CDKAL1: variants seen among roughly 807,000 people sequenced by gnomAD.
CDKAL1 encodes the protein threonylcarbamoyladenosine tRNA methylthiotransferase.
A neutral mutation model predicts 68.2 loss-of-function variants in CDKAL1; 32 were observed. That is an observed-to-expected ratio of 0.47 (90% confidence interval 0.35 to 0.63). The LOEUF (loss-of-function observed/expected upper bound fraction) is 0.63, where lower values mean the gene tolerates loss of function less well. CDKAL1 is among the 30% of genes least tolerant of loss of function. The probability of loss-of-function intolerance (pLI) is 0.00; values close to 1 mark genes in which losing one functional copy is unlikely to be tolerated. For synonymous variants in CDKAL1, 234 were observed against 244.3 expected (o/e 0.96, Z 0.39); for missense variants, 606 against 696.7 (o/e 0.87, Z 1.47).
chr6:20,544,595 C>CA (rs747920604), intron 2 of CDKAL1, among the ~76,000 whole-genome samples: 2,261 of 56,602 alleles, frequency 0.04, 167 homozygotes, highest in African/African-American at 0.1. Context: ...AACTCCGTCT[C>CA]AAAAAAAAAA....
intron 5 of CDKAL1, among the ~76,000 whole-genome samples, chr6:20,661,297 C>T (rs900399277): frequency 6.6e-6 from 1 of 152,024 alleles, no homozygotes; most frequent in Non-Finnish European, 1.5e-5. Flanking sequence ...TCTGTTGTTG[C>T]GAGGATTTTG....
chr6:21,000,422 A>C (rs1172578862), intron 11 of CDKAL1, 50 bp downstream of exon 11: 1 of 1,521,368 alleles, frequency 6.6e-7, no homozygotes. Context: ...TTCTTTCAAA[A>C]GCTTGTGGCA....
intron 11 of CDKAL1, among the ~76,000 whole-genome samples, chr6:21,059,522 C>G (rs1387740711): frequency 6.6e-6 from 1 of 152,204 alleles, no homozygotes; most frequent in African/African-American, 2.4e-5. Flanking sequence ...CAATCACTCA[C>G]CGCCTCCCTT....
chr6:20,737,409 G>A (rs9358362), intron 5 of CDKAL1, among the ~76,000 whole-genome samples: 14 of 152,178 alleles, frequency 9.2e-5, no homozygotes, highest in African/African-American at 3.4e-4. Flanking sequence ...CTTAAACACT[G>A]AGTGTAATGA....
At chr6:20,952,045 G>C (rs1409480428) in intron 9 of CDKAL1, among the ~76,000 whole-genome samples, 1 of 142,610 alleles carries the variant, frequency 7.0e-6, no homozygotes, top group Admixed American at 7.5e-5. Context: ...TGTAAGCTCC[G>C]CCTCCCAGGT....
intron 5 of CDKAL1, among the ~76,000 whole-genome samples, chr6:20,688,417 G>A (rs1002291625): frequency 4.0e-5 from 6 of 150,836 alleles, no homozygotes; most frequent in Non-Finnish European, 7.4e-5. Context: ...CTGTTGAGAG[G>A]TTTCTTTCGT....
intron 15 of CDKAL1, among the ~76,000 whole-genome samples, chr6:21,230,021 C>T (rs1779896431): frequency 6.6e-6 from 1 of 152,194 alleles, no homozygotes; most frequent in African/African-American, 2.4e-5. Context: ...ATTTGTATGG[C>T]ACACAAGGTA....
At chr6:20,906,539 C>G (rs1384065582) in intron 9 of CDKAL1, among the ~76,000 whole-genome samples, 1 of 152,068 alleles carries the variant, frequency 6.6e-6, no homozygotes, top group African/African-American at 2.4e-5. Context: ...ATTTAATACC[C>G]TGTTAAACCC....
At chr6:21,035,351 C>G (rs767706021) in intron 11 of CDKAL1, among the ~76,000 whole-genome samples, 3 of 152,118 alleles carry the variant, frequency 2.0e-5, no homozygotes, top group Non-Finnish European at 4.4e-5. Context: ...CACATCTAGT[C>G]TCCTACCCTG....
At chr6:20,869,549 A>C (rs1278599231) in intron 9 of CDKAL1, among the ~76,000 whole-genome samples, 1 of 152,208 alleles carries the variant, frequency 6.6e-6, no homozygotes, top group East Asian at 1.9e-4. Context: ...ATGGTTGCCC[A>C]GCAGTATAAA....
At chr6:20,859,736 T>C (rs1759515799) in intron 9 of CDKAL1, among the ~76,000 whole-genome samples, 1 of 152,176 alleles carries the variant, frequency 6.6e-6, no homozygotes, top group Admixed American at 6.5e-5. Flanking sequence ...GGGCCAGAAG[T>C]GTTCTGCCTT....
intron 9 of CDKAL1, among the ~76,000 whole-genome samples, chr6:20,921,587 A>G (rs1561886131): frequency 6.6e-6 from 1 of 152,116 alleles, no homozygotes; most frequent in Admixed American, 6.5e-5. Context: ...CCTATTCCCA[A>G]CCTCATCTCA....
chr6:20,967,892 G>A (rs1765399412), intron 10 of CDKAL1, among the ~76,000 whole-genome samples: 1 of 152,106 alleles, frequency 6.6e-6, no homozygotes, highest in Non-Finnish European at 1.5e-5. Context: ...TTCCTGGTTG[G>A]CAGTCTTTTT....
chr6:20,536,716 C>G (rs939501877), intron 2 of CDKAL1, among the ~76,000 whole-genome samples: 1 of 152,102 alleles, frequency 6.6e-6, no homozygotes, highest in Admixed American at 6.5e-5. Context: ...TCTGGCTGGG[C>G]ATGGTGGCTC....
chr6:21,000,248 CACCCCAGAGTCT>C lies in CDKAL1; in HGVS notation c.934_945del (p.Pro312_Tyr315del), dbSNP rs765692802. 1 of 1,608,148 alleles carries C rather than the reference CACCCCAGAGTCT, an allele frequency of 6.2e-7. No homozygotes were observed. Among genetic ancestry groups the C allele is most frequent in the Non-Finnish European group, 8.5e-7 (1 of 1,177,380 alleles). On this transcript the variant is annotated inframe_deletion, in exon 11 of 16. Transcript: ENST00000274695. ...TAAGGAAATGGCAAAAATCCTTAAT[CACCCCAGAGTCT>C]ACGCTTTTCTGCACATACCAGTCCA...
chr6:21,098,161 A>G (rs1773407294), intron 12 of CDKAL1, among the ~76,000 whole-genome samples: 1 of 152,210 alleles, frequency 6.6e-6, no homozygotes, highest in South Asian at 2.1e-4. Flanking sequence ...TAAGTTTTAG[A>G]GCTCGGCGAA....
chr6:20,754,490 T>C (rs1307806467), intron 6 of CDKAL1, among the ~76,000 whole-genome samples: 1 of 152,214 alleles, frequency 6.6e-6, no homozygotes, highest in Non-Finnish European at 1.5e-5. Flanking sequence ...TCTATACCCA[T>C]TAAGCAATAG....
intron 10 of CDKAL1, among the ~76,000 whole-genome samples, chr6:20,960,830 G>A (rs4712572): frequency 0.18 from 27,029 of 152,174 alleles, 2,781 homozygotes; most frequent in Admixed American, 0.26. Flanking sequence ...TAAGGGATGC[G>A]TTATGTTTAT....
At chr6:20,723,442 C>A (rs1772485020) in intron 5 of CDKAL1, 1 of 152,618 alleles carries the variant, frequency 6.6e-6, no homozygotes, top group African/African-American at 2.4e-5. Flanking sequence ...TCTGGAGCAA[C>A]TGGCCAGGTC....
Sources: gnomAD v4.1 joint callset for allele counts (sites outside exome capture counted in the v4.1 genomes callset) on GRCh38, gnomAD v4.1.1 for gene constraint, MANE v1.5 for transcripts, NCBI Gene and HGNC (gene_info 2026-07-23, HGNC 2026-07-21) for gene names.